The following SLC12A9 variants were observed in gnomAD, a reference collection of about 807,000 sequenced individuals.
The protein encoded by SLC12A9 is solute carrier family 12 member 9.
In SLC12A9, 55 loss-of-function variants were observed where a neutral mutation model predicts 66.0. The ratio of observed to expected loss-of-function variants is 0.83; its 90% CI spans 0.67 to 1.04. The LOEUF (loss-of-function observed/expected upper bound fraction) is 1.04. Among genes scored for constraint, SLC12A9 ranks in the 50% least tolerant of loss-of-function variants. The pLI is 0.00. For synonymous variants in SLC12A9, 577 were observed against 569.0 expected, an observed-to-expected ratio of 1.01 and a Z score of -0.20; for missense variants, 1,061 against 1,241.9, an observed-to-expected ratio of 0.85 and a Z score of 2.19.
chr7:100,832,451 T>C (rs745788094), intron 1 of SLC12A9, among the ~76,000 whole-genome samples: 3 of 152,092 alleles, frequency 2.0e-5, no homozygotes, highest in Non-Finnish European at 4.4e-5. Context: ...AGGTCTAGGC[T>C]GCAGGGAGCC....
Position 100,827,021 on chromosome 7 carries a change from G to A in SLC12A9, n.202G>A, listed in dbSNP as rs781356999. The A allele has an allele frequency of 1.9e-6, 3 of 1,583,668 alleles. No homozygotes were observed. Among genetic ancestry groups the A allele is most frequent in the East Asian group, 4.7e-5 (2 of 42,460 alleles). ...AACGAAGCCCAGCAGAGCAGCACCC[G>A]GAGCTCCATGGCGCCGCCTCACTCG... On this transcript the variant is annotated non_coding_transcript_exon_variant, in exon 1 of 2. Coordinates refer to the SLC12A9 transcript ENST00000461016.
Position 100,866,030 on chromosome 7 carries a change from G to T in SLC12A9, c.2170G>T (p.Val724Leu). 6.2e-7 allele frequency: 1 copy of T among 1,612,824 alleles called. No individual in the cohort carries two copies. The highest frequency in any genetic ancestry group is 8.5e-7 in the Non-Finnish European group (1 of 1,179,870). ...TGGGGGCACCTCTCAGCTGCACCATGTGGACGTGTGGCCCCTCAACCTGCT... is the reference window on the plus strand; with the variant it reads ...TGGGGGCACCTCTCAGCTGCACCATTTGGACGTGTGGCCCCTCAACCTGCT... ...GSGGTSQLHH[V>L]DVWPLNLLRP... is the part of the protein sequence containing the mutation. Residue 724 changes from valine to leucine, a missense_variant, in exon 14 of 14, where the codon GTG (valine) becomes TTG (leucine). Physicochemically the swap from Val to Leu is conservative, Grantham distance 32. Coordinates refer to ENST00000354161, the MANE Select transcript of SLC12A9 (RefSeq NM_020246.4). The surrounding 1 kb of genome is among the most constrained non-coding windows in gnomAD (Gnocchi z 7.3).
chr7:100,830,767 A>G lies in SLC12A9; in HGVS notation n.228+3720A>G, dbSNP rs1813528704. Among the ~76,000 whole-genome samples the G allele has an allele frequency of 2.6e-5, 4 of 152,082 alleles. No homozygotes were observed. The South Asian group carries it at 8.3e-4, about 32-fold the overall frequency. ...GTTTTATGTCATCTGGTGAATTACAACCTGGTAGAAAAAAAATCCCATGAT... is the reference window on the plus strand; with the variant it reads ...GTTTTATGTCATCTGGTGAATTACAGCCTGGTAGAAAAAAAATCCCATGAT... On this transcript the variant is annotated intron_variant and non_coding_transcript_variant, in intron 1 of 1. Transcript: ENST00000461016.
intron 1 of SLC12A9, chr7:100,837,170 T>G (rs1295545900): frequency 6.6e-6 from 1 of 152,138 alleles, no homozygotes; most frequent in African/African-American, 2.4e-5. Flanking sequence ...CTCGAACACC[T>G]GGGCTCAAGA....
chr7:100,865,481 C>T, intron 13 of SLC12A9: 1 of 1,532,826 alleles, frequency 6.5e-7, no homozygotes, highest in South Asian at 1.2e-5. Flanking sequence ...GCGAACTTTG[C>T]CTGTTTAAGT....
upstream of SLC12A9, among the ~76,000 whole-genome samples, chr7:100,851,552 T>A (rs1367182362): frequency 6.7e-6 from 1 of 150,124 alleles, no homozygotes; most frequent in Non-Finnish European, 1.5e-5. Flanking sequence ...GCCTCCTAAG[T>A]AGCTGGGACT....
At chr7:100,843,853 C>A (rs780207469) in intron 1 of SLC12A9, among the ~76,000 whole-genome samples, 6 of 152,174 alleles carry the variant, frequency 3.9e-5, no homozygotes, top group Non-Finnish European at 7.4e-5. Context: ...ATCAGAAAGC[C>A]CAGTTGAACA....
At position 100,866,019 on chromosome 7, in the gene SLC12A9, A is replaced by G. The variant is rs1396567611; in HGVS notation, c.2159A>G (p.Gln720Arg). 6.2e-7 allele frequency: 1 copy of G among 1,612,758 alleles called. No individual in the cohort carries two copies. The highest frequency in any genetic ancestry group is 2.2e-5 in the East Asian group (1 of 44,872). The change falls in exon 14 of 14, where the codon CAG (glutamine) becomes CGG (arginine). Residue 720 changes from glutamine to arginine, a missense_variant. By Grantham distance (43) the Gln-to-Arg change is conservative. Coordinates refer to ENST00000354161, the MANE Select transcript of SLC12A9 (RefSeq NM_020246.4). The surrounding 1 kb of genome is among the most constrained non-coding windows in gnomAD (Gnocchi z 7.3). ...RLSRGSGGTSQLHHVDVWPLN... is the reference protein window; with the variant it reads ...RLSRGSGGTSRLHHVDVWPLN... ...AGCCGGGGGTCTGGGGGCACCTCTC[A>G]GCTGCACCATGTGGACGTGTGGCCC... is the stretch of plus-strand genomic sequence containing the variant.
At chr7:100,840,628 A>G (rs1401226182) in intron 1 of SLC12A9, among the ~76,000 whole-genome samples, 1 of 152,060 alleles carries the variant, frequency 6.6e-6, no homozygotes, top group East Asian at 1.9e-4. Flanking sequence ...AGACAGACAG[A>G]GAGGGAGTCA....
chr7:100,854,887 G>A, intron 3 of SLC12A9, 133 bp downstream of exon 3: 1 of 1,281,090 alleles, frequency 7.8e-7, no homozygotes. Flanking sequence ...TTTTAGGCTG[G>A]GTGCGGTGGC....
chr7:100,862,572 AC>A, intron 12 of SLC12A9, 108 bp from the exon 13 acceptor site: 2 of 1,302,182 alleles, frequency 1.5e-6, no homozygotes, highest in Non-Finnish European at 1.1e-6. Flanking sequence ...CTTTCCCATG[AC>A]CCCTCCAAGT....
intron 1 of SLC12A9, among the ~76,000 whole-genome samples, chr7:100,831,978 C>G (rs1016494827): frequency 6.6e-6 from 1 of 152,204 alleles, no homozygotes; most frequent in Non-Finnish European, 1.5e-5. Flanking sequence ...TGAAATCTTA[C>G]AGCTCTGTTA....
At chr7:100,827,033 C>T (rs1347240216) in exon 1 of SLC12A9, 1 of 1,581,290 alleles carries the variant, frequency 6.3e-7, no homozygotes, top group East Asian at 2.4e-5. Context: ...AGCTCCATGG[C>T]GCCGCCTCAC....
At chr7:100,842,150 AG>A (rs1813803349) in intron 1 of SLC12A9, among the ~76,000 whole-genome samples, 1 of 151,914 alleles carries the variant, frequency 6.6e-6, no homozygotes, top group Admixed American at 6.6e-5. Context: ...ATCACATCCG[AG>A]TCAAGAAAGT....
rs962862289 is a variant in SLC12A9 at position 100,842,149 on chromosome 7, G to A, written n.228+15102G>A. Among the ~76,000 whole-genome samples the A allele has an allele frequency of 1.0e-4, 15 of 150,742 alleles. No homozygotes were observed. The East Asian group carries it at 2.7e-3, about 27-fold the overall frequency. ...AAAAAAGAATGGACTCATCACATCC[G>A]AGTCAAGAAAGTGCCACCCCCTCCA... On this transcript the variant is annotated intron_variant and non_coding_transcript_variant, in intron 1 of 1. Transcript: ENST00000461016.
rs1438983661 is a variant in SLC12A9, at chr7:100,861,261, C to G, written c.1342C>G (p.Arg448Gly). Residue 448 changes from arginine to glycine, a missense_variant and splice_region_variant, in exon 10 of 14, where the codon CGC (arginine) becomes GGC (glycine). Coordinates refer to ENST00000354161, the MANE Select transcript of SLC12A9 (RefSeq NM_020246.4). This position sits in a 1 kb window ranked among gnomAD's most constrained non-coding sequence, Gnocchi z 5.3. ...SLEWASAPNF[R>G]PTFSLFSWHT... ...GGAGTGGGCCTCGGCCCCCAACTTC[C>G]GGTGAGAGACTCAGATCTGTGTCCC... The G allele has an allele frequency of 6.2e-7, 1 of 1,614,206 alleles. No homozygotes were observed. The highest frequency in any genetic ancestry group is 8.5e-7 in the Non-Finnish European group (1 of 1,180,032).
intron 13 of SLC12A9, among the ~76,000 whole-genome samples, chr7:100,864,546 T>C (rs1454803617): frequency 6.6e-6 from 1 of 152,212 alleles, no homozygotes; most frequent in African/African-American, 2.4e-5. Flanking sequence ...TCAGCAATTA[T>C]CCGATTCCAC....
At chr7:100,838,915 C>G (rs752636582) in intron 1 of SLC12A9, among the ~76,000 whole-genome samples, 2 of 152,098 alleles carry the variant, frequency 1.3e-5, no homozygotes, top group Non-Finnish European at 2.9e-5. Context: ...AATGCTTATC[C>G]TGTTTTGTTC....
chr7:100,844,138 T>A (rs183425030), intron 1 of SLC12A9, among the ~76,000 whole-genome samples: 1 of 152,308 alleles, frequency 6.6e-6, no homozygotes, highest in East Asian at 1.9e-4. Flanking sequence ...TTCCTCAGAC[T>A]GAGGACTGTT....
Sources: allele counts gnomAD v4.1 joint callset (sites outside exome capture counted in the v4.1 genomes callset), GRCh38; gene constraint gnomAD v4.1.1; non-coding constraint Gnocchi (gnomAD v3.1); transcripts MANE v1.5; gene names NCBI Gene and HGNC (gene_info 2026-07-23, HGNC 2026-07-21).